Variants in NGF observed in about 807,000 individuals in gnomAD.
The protein encoded by NGF is beta-nerve growth factor.
Under a neutral mutation model 12.8 loss-of-function variants are expected in NGF, and 4 were observed. That is an observed-to-expected ratio of 0.31 (90% CI 0.15 to 0.72). NGF has a LOEUF of 0.72. Ranked by LOEUF, NGF falls within the 30% of genes least tolerant of loss-of-function variation. NGF has a pLI of 0.69. For synonymous variants in NGF, 140 were observed against 130.0 expected, an observed-to-expected ratio of 1.08 and a Z score of -0.52; for missense variants, 283 against 330.8, an observed-to-expected ratio of 0.86 and a Z score of 1.12.
At chr1:115,324,797 G>A (rs991817695) in intron 1 of NGF, among the ~76,000 whole-genome samples, 37 of 152,206 alleles carry the variant, frequency 2.4e-4, no homozygotes, top group African/African-American at 8.7e-4. Flanking sequence ...GCTAGATCCC[G>A]CTGATCTCTT....
At chr1:115,335,571 T>C (rs575502212) in intron 1 of NGF, among the ~76,000 whole-genome samples, 11 of 152,340 alleles carry the variant, frequency 7.2e-5, no homozygotes, top group African/African-American at 2.2e-4. Context: ...CACACAGATA[T>C]CCAGAGATTT....
intron 2 of NGF, among the ~76,000 whole-genome samples, chr1:115,292,051 C>T (rs1358029856): frequency 6.6e-6 from 1 of 152,076 alleles, no homozygotes; most frequent in African/African-American, 2.4e-5. Flanking sequence ...TGAGAGTGGG[C>T]CAAGGGTCAT....
chr1:115,310,166 C>T (rs529289880), intron 1 of NGF, among the ~76,000 whole-genome samples: 21 of 152,258 alleles, frequency 1.4e-4, no homozygotes, highest in African/African-American at 4.3e-4. Flanking sequence ...AAGGAGAATA[C>T]GCATGAAATT....
At chr1:115,314,810 CG>C (rs1654431576) in intron 1 of NGF, among the ~76,000 whole-genome samples, 1 of 152,166 alleles carries the variant, frequency 6.6e-6, no homozygotes, top group South Asian at 2.1e-4. Context: ...CTTAAATTCT[CG>C]TGGAGGTGGA....
chr1:115,307,165 G>A (rs1654224337), intron 1 of NGF, among the ~76,000 whole-genome samples: 1 of 152,184 alleles, frequency 6.6e-6, no homozygotes, highest in African/African-American at 2.4e-5. Context: ...AAGTGAGCTG[G>A]GATTTGTCTT....
intron 1 of NGF, among the ~76,000 whole-genome samples, chr1:115,325,573 T>G (rs1054949872): frequency 6.6e-6 from 1 of 152,122 alleles, no homozygotes; most frequent in Non-Finnish European, 1.5e-5. Context: ...GGCAAGATAA[T>G]TTCATTCTAC....
intron 1 of NGF, among the ~76,000 whole-genome samples, chr1:115,303,546 C>T (rs1301523207): frequency 2.0e-5 from 3 of 152,024 alleles, no homozygotes; most frequent in Admixed American, 6.6e-5. Flanking sequence ...CCACCTCCTC[C>T]GTCATCATCA....
intron 1 of NGF, among the ~76,000 whole-genome samples, chr1:115,305,578 C>T (rs1297090359): frequency 2.0e-5 from 3 of 152,174 alleles, no homozygotes; most frequent in African/African-American, 7.2e-5. Flanking sequence ...AATCAGCACA[C>T]CCTTTTGAGT....
chr1:115,304,329 A>AT lies in NGF; in HGVS notation c.-136-10580dup, dbSNP rs58345237. On this transcript the variant is annotated intron_variant, in intron 1 of 2. Transcript: ENST00000369512. ...AGGAGCGCACCACCATGCTTGGCTA[A>AT]TTTTTTTTTTTTTTTTGTATTTTTA... Among the ~76,000 whole-genome samples, 483 of 80,824 alleles carry AT rather than the reference A, an allele frequency of 6.0e-3. 25 individuals carry two copies. Among genetic ancestry groups the AT allele is most frequent in the African/African-American group, 8.0e-3 (193 of 24,080 alleles). The allele number at this position is 80,824 out of a possible 152,430, so 53.0% of individuals were successfully genotyped here. A position where few individuals can be genotyped will look rare whatever the true frequency, so the allele number is the denominator to read the frequency against.
At chr1:115,307,671 A>G (rs1654238157) in intron 1 of NGF, among the ~76,000 whole-genome samples, 1 of 152,252 alleles carries the variant, frequency 6.6e-6, no homozygotes. Flanking sequence ...GTCCTACAAG[A>G]TTATTCATGC....
At chr1:115,296,914 T>G (rs540299425) in intron 1 of NGF, among the ~76,000 whole-genome samples, 2 of 152,322 alleles carry the variant, frequency 1.3e-5, no homozygotes, top group Non-Finnish European at 2.9e-5. Context: ...GGTAATCACT[T>G]AAACAGAAAT....
chr1:115,315,649 A>G (rs1388306812), intron 1 of NGF, among the ~76,000 whole-genome samples: 3 of 152,208 alleles, frequency 2.0e-5, no homozygotes, highest in African/African-American at 7.2e-5. Context: ...TATATTGGAC[A>G]TACACATGGA....
Position 115,296,486 on chromosome 1 carries a change from T to G in NGF, c.-136-2736A>C, listed in dbSNP as rs931029697. On this transcript the variant is annotated intron_variant, in intron 1 of 2. Transcript: ENST00000369512. The stretch of plus-strand genomic sequence containing the variant: ...AAAAATTCCACAATTCCTAGGAAGA[T>G]CTGCATTCTTCGGGTGTCTACTATA... Among the ~76,000 whole-genome samples, 3 of 152,212 alleles carry G rather than the reference T, an allele frequency of 2.0e-5. No individual in the cohort carries two copies. The South Asian group carries it at 6.2e-4, about 31-fold the overall frequency.
At chr1:115,303,964 T>C (rs1007519778) in intron 1 of NGF, among the ~76,000 whole-genome samples, 8 of 152,214 alleles carry the variant, frequency 5.3e-5, no homozygotes, top group African/African-American at 1.7e-4. Flanking sequence ...TATTTCATTA[T>C]ACTATTTTCT....
chr1:115,330,333 T>G (rs1436613173), intron 1 of NGF, among the ~76,000 whole-genome samples: 1 of 152,202 alleles, frequency 6.6e-6, no homozygotes, highest in Non-Finnish European at 1.5e-5. Flanking sequence ...TGCTAATATT[T>G]TAGGCAATTG....
At chr1:115,331,304 C>A (rs1358838488) in intron 1 of NGF, among the ~76,000 whole-genome samples, 1 of 152,148 alleles carries the variant, frequency 6.6e-6, no homozygotes, top group Non-Finnish European at 1.5e-5. Context: ...GAACTTGGAC[C>A]TAAATCCAGT....
In NGF at chr1:115,286,139, G is replaced by A. The variant is rs2101018295; in HGVS notation, c.657C>T (p.Ala219=). The A allele has an allele frequency of 6.2e-7, 1 of 1,613,690 alleles. No individual in the cohort carries two copies. Among genetic ancestry groups the A allele is most frequent in the Non-Finnish European group, 8.5e-7 (1 of 1,179,674 alleles). Residue 219 remains alanine, a synonymous_variant, in exon 3 of 3, where the codon GCC becomes GCT. Transcript: ENST00000369512. The stretch of plus-strand genomic sequence containing the variant: ...CCGTATCTATCCGGATAAACCGCCA[G>A]GCAGCCTGCTTGCCATCCATGGTCA... The part of the protein sequence containing the change: ...KALTMDGKQA[A]WRFIRIDTAC...
intron 1 of NGF, among the ~76,000 whole-genome samples, chr1:115,309,468 G>A (rs1654286005): frequency 6.6e-6 from 1 of 152,258 alleles, no homozygotes; most frequent in South Asian, 2.1e-4. Flanking sequence ...GGGTACATGT[G>A]CAGAATGGCA....
intron 1 of NGF, among the ~76,000 whole-genome samples, chr1:115,320,260 C>G (rs1027209502): frequency 6.6e-6 from 1 of 152,164 alleles, no homozygotes. Flanking sequence ...ATCCTATATA[C>G]ACTATGTTTT....
Sources: gnomAD v4.1 joint callset for allele counts (sites outside exome capture counted in the v4.1 genomes callset) on GRCh38, gnomAD v4.1.1 for gene constraint, MANE v1.5 for transcripts, NCBI Gene and HGNC (gene_info 2026-07-23, HGNC 2026-07-21) for gene names.